The following OTOGL variants were observed in gnomAD, a reference collection of about 807,000 sequenced individuals.
The protein encoded by OTOGL is otogelin like, also known as otogelin-like protein.
OTOGL carries 285 observed loss-of-function variants against 318.5 expected under a neutral mutation model. That is an observed-to-expected ratio of 0.89 (90% CI 0.81 to 0.99). The LOEUF (loss-of-function observed/expected upper bound fraction) is 0.99, where lower values mean the gene tolerates loss of function less well. Among genes scored for constraint, OTOGL ranks in the 50% least tolerant of loss-of-function variants. OTOGL has a pLI of 0.00. For synonymous variants in OTOGL, 987 were observed against 936.5 expected, an observed-to-expected ratio of 1.05 and a Z score of -0.99; for missense variants, 2,899 against 2,845.6, an observed-to-expected ratio of 1.02 and a Z score of -0.43.
At chr12:80,338,976 A>T in intron 42 of OTOGL, 99 bp from the exon 43 acceptor site, 1 of 1,020,766 alleles carries the variant, frequency 9.8e-7, no homozygotes, top group Non-Finnish European at 1.4e-6. Context: ...AAAATTAAAA[A>T]ATAGTTTACA....
chr12:80,171,219 A>G (rs1054922287), intron 1 of OTOGL, among the ~76,000 whole-genome samples: 4 of 151,902 alleles, frequency 2.6e-5, no homozygotes, highest in East Asian at 3.9e-4. Context: ...ACTTACAAGA[A>G]TGCACCACCA....
chr12:80,155,483 G>A (rs1873054341), intron 1 of OTOGL, among the ~76,000 whole-genome samples: 1 of 151,964 alleles, frequency 6.6e-6, no homozygotes, highest in African/African-American at 2.4e-5. Context: ...ATTTTTGTGG[G>A]TACATGGTGT....
At chr12:80,233,177 C>A in intron 9 of OTOGL, 80 bp downstream of exon 9, 1 of 1,281,458 alleles carries the variant, frequency 7.8e-7, no homozygotes, top group Non-Finnish European at 1.0e-6. Flanking sequence ...ACCCAGAAGA[C>A]TTGTCATAGC....
At chr12:80,158,590 A>C (rs1873284966) in intron 1 of OTOGL, among the ~76,000 whole-genome samples, 1 of 152,036 alleles carries the variant, frequency 6.6e-6, no homozygotes, top group African/African-American at 2.4e-5. Flanking sequence ...TATATGTATA[A>C]GCTTTTGTAA....
intron 12 of OTOGL, 102 bp from the exon 13 acceptor site, chr12:80,251,974 T>C: frequency 3.7e-6 from 5 of 1,339,214 alleles, no homozygotes; most frequent in Non-Finnish European, 4.9e-6. Context: ...AATTAAAAGT[T>C]ATTTTTTGCA....
chr12:80,257,379 T>C (rs1172853624), intron 17 of OTOGL, among the ~76,000 whole-genome samples: 1 of 151,096 alleles, frequency 6.6e-6, no homozygotes, highest in East Asian at 2.0e-4. Context: ...ACAGGAAATA[T>C]GGACAAGAGT....
At chr12:80,307,752 A>ACCTC (rs1886274430) in intron 29 of OTOGL, among the ~76,000 whole-genome samples, 1 of 133,710 alleles carries the variant, frequency 7.5e-6, no homozygotes, top group African/African-American at 2.8e-5. Context: ...AGACCCCGCC[A>ACCTC]CCTCCCTCCC....
intron 11 of OTOGL, among the ~76,000 whole-genome samples, chr12:80,248,882 C>T (rs1881185066): frequency 6.7e-6 from 1 of 148,548 alleles, no homozygotes; most frequent in Admixed American, 6.6e-5. Context: ...TCTTTTTTCT[C>T]TAAACTTCCC....
chr12:80,177,550 T>C (rs1262963258), intron 1 of OTOGL, among the ~76,000 whole-genome samples: 2 of 152,236 alleles, frequency 1.3e-5, no homozygotes, highest in African/African-American at 4.8e-5. Flanking sequence ...ATTGCAAATC[T>C]TTAACTTTAT....
At chr12:80,103,546 A>G (rs1869271356) in intron 1 of OTOGL, among the ~76,000 whole-genome samples, 1 of 152,028 alleles carries the variant, frequency 6.6e-6, no homozygotes, top group Non-Finnish European at 1.5e-5. Context: ...TATTCAAATC[A>G]CTCTACTTCT....
intron 56 of OTOGL, chr12:80,370,908 G>A (rs149777754): frequency 1.6e-4 from 44 of 266,672 alleles, no homozygotes; most frequent in African/African-American, 6.7e-4. Context: ...CTGTGCAATC[G>A]TTGGGTTTTT....
intron 1 of OTOGL, among the ~76,000 whole-genome samples, chr12:80,149,073 C>A (rs893512835): frequency 1.9e-4 from 29 of 152,164 alleles, no homozygotes; most frequent in African/African-American, 6.5e-4. Flanking sequence ...CGTTCTCCGT[C>A]CAGCTTTGTT....
intron 1 of OTOGL, among the ~76,000 whole-genome samples, chr12:80,106,648 C>G (rs11833837): frequency 6.6e-6 from 1 of 152,106 alleles, no homozygotes; most frequent in Non-Finnish European, 1.5e-5. Flanking sequence ...TGCACACAAT[C>G]CTATATCCTT....
At chr12:80,321,705 T>C (rs543767610) in intron 34 of OTOGL, among the ~76,000 whole-genome samples, 1 of 152,334 alleles carries the variant, frequency 6.6e-6, no homozygotes, top group Admixed American at 6.5e-5. Flanking sequence ...GGGTTCTTAC[T>C]CTGGCAACGA....
At chr12:80,301,683 C>A (rs1885770691) in intron 27 of OTOGL, among the ~76,000 whole-genome samples, 1 of 152,184 alleles carries the variant, frequency 6.6e-6, no homozygotes, top group African/African-American at 2.4e-5. Flanking sequence ...CCACCCCTTG[C>A]AAGAAGCCTT....
intron 1 of OTOGL, among the ~76,000 whole-genome samples, chr12:80,199,434 T>G (rs999826128): frequency 9.9e-5 from 15 of 152,232 alleles, no homozygotes; most frequent in African/African-American, 3.4e-4. Context: ...GTTGAATGAT[T>G]ATTTTTATCA....
At position 80,336,998 on chromosome 12, in the gene OTOGL, A is replaced by G. The variant is rs893112674; in HGVS notation, c.4854A>G (p.Ala1618=). 4 of 1,567,722 alleles carry G rather than the reference A, an allele frequency of 2.6e-6. No individual in the cohort carries two copies. The highest frequency in any genetic ancestry group is 3.5e-6 in the Non-Finnish European group (4 of 1,152,110). ...ATAAAATAATTGTCAATCGGTTGGC[A>G]AGAAAGGTAAGAATACAAAGTTAAA... ...PIHKIIVNRL[A]RKVEVDSIVV... The change falls in exon 42 of 59, where the codon GCA becomes GCG. Residue 1618 remains alanine, a synonymous_variant. Coordinates refer to ENST00000547103, the MANE Select transcript of OTOGL (RefSeq NM_001378609.3).
intron 1 of OTOGL, among the ~76,000 whole-genome samples, chr12:80,109,759 C>G (rs1022427286): frequency 1.3e-4 from 20 of 152,280 alleles, no homozygotes; most frequent in Non-Finnish European, 2.9e-4. Flanking sequence ...GCACTGATGA[C>G]TGATGACCAC....
intron 29 of OTOGL, among the ~76,000 whole-genome samples, chr12:80,306,717 G>GA (rs1309563256): frequency 6.7e-6 from 1 of 150,052 alleles, no homozygotes; most frequent in Non-Finnish European, 1.5e-5. Context: ...TAGAAGTTTT[G>GA]AAAAAAATCG....
Sources: allele counts gnomAD v4.1 joint callset (sites outside exome capture counted in the v4.1 genomes callset), GRCh38; gene constraint gnomAD v4.1.1; transcripts MANE v1.5; gene names NCBI Gene and HGNC (gene_info 2026-07-23, HGNC 2026-07-21).